MACROD2: variants seen among roughly 807,000 people sequenced by gnomAD.
MACROD2 encodes ADP-ribose glycohydrolase MACROD2.
In MACROD2, 36 loss-of-function variants were observed where a neutral mutation model predicts 70.4. The ratio of observed to expected loss-of-function variants is 0.51; its 90% confidence interval spans 0.39 to 0.68. The LOEUF is 0.68. Among genes scored for constraint, MACROD2 ranks in the 30% least tolerant of loss-of-function variants. The pLI is 0.00. For synonymous variants in MACROD2, 172 were observed against 178.8 expected, an observed-to-expected ratio of 0.96 and a Z score of 0.30; for missense variants, 496 against 538.4, an observed-to-expected ratio of 0.92 and a Z score of 0.78.
intron 4 of MACROD2, among the ~76,000 whole-genome samples, chr20:14,614,495 T>C (rs1447688279): frequency 1.3e-5 from 2 of 152,096 alleles, no homozygotes; most frequent in Non-Finnish European, 2.9e-5. Context: ...GCAGCCAGCG[T>C]TGGGAACGAT....
intron 3 of MACROD2, among the ~76,000 whole-genome samples, chr20:14,392,200 ATTG>A (rs2083534083): frequency 1.3e-5 from 2 of 152,200 alleles, no homozygotes; most frequent in South Asian, 2.1e-4. Context: ...TATTTCAAGA[ATTG>A]TTATGTATTT....
intron 9 of MACROD2, among the ~76,000 whole-genome samples, chr20:15,867,175 G>A (rs1044178510): frequency 2.0e-5 from 3 of 152,114 alleles, no homozygotes; most frequent in Non-Finnish European, 4.4e-5. Flanking sequence ...AGTCAAATGG[G>A]ATTTGGACCC....
chr20:14,824,243 A>C lies in MACROD2; in HGVS notation c.418+139284A>C, dbSNP rs1043105681. On this transcript the variant is annotated intron_variant, in intron 5 of 17. Coordinates refer to ENST00000684519, the MANE Select transcript of MACROD2 (RefSeq NM_001351661.2). ...CAAAGTTCTCAGAAAATACTTGGCT[A>C]GTCATGGTATTGCATACTGTAGCTT... is the stretch of plus-strand genomic sequence containing the variant. 5.3e-5 allele frequency among the ~76,000 whole-genome samples: 8 copies of C among 152,136 alleles called. 1 individual carries two copies. Among genetic ancestry groups the C allele is most frequent in the Non-Finnish European group, 8.8e-5 (6 of 68,020 alleles).
At chr20:14,422,053 T>G (rs994521955) in intron 3 of MACROD2, among the ~76,000 whole-genome samples, 1 of 152,210 alleles carries the variant, frequency 6.6e-6, no homozygotes, top group Non-Finnish European at 1.5e-5. Flanking sequence ...CCTTCAATTC[T>G]AGGAATGTTT....
At chr20:15,219,955 T>TA (rs2076843527) in intron 5 of MACROD2, among the ~76,000 whole-genome samples, 9 of 108,726 alleles carry the variant, frequency 8.3e-5, no homozygotes, top group African/African-American at 1.9e-4. Context: ...AATCATCTCC[T>TA]GAAAAAAAAA....
intron 4 of MACROD2, among the ~76,000 whole-genome samples, chr20:14,597,104 A>G (rs559420554): frequency 6.6e-6 from 1 of 152,274 alleles, no homozygotes; most frequent in East Asian, 1.9e-4. Context: ...TAAAAGATAT[A>G]TTTTATTGAT....
At chr20:15,585,772 T>A (rs1382335375) in intron 8 of MACROD2, among the ~76,000 whole-genome samples, 1 of 152,156 alleles carries the variant, frequency 6.6e-6, no homozygotes. Flanking sequence ...GCCTCATTTT[T>A]TTTTTTTAAT....
intron 5 of MACROD2, among the ~76,000 whole-genome samples, chr20:14,734,503 A>G (rs1239656942): frequency 7.0e-6 from 1 of 142,758 alleles, no homozygotes; most frequent in Non-Finnish European, 1.5e-5. Context: ...TCCATATCAA[A>G]AAAAACAAAA....
intron 4 of MACROD2, among the ~76,000 whole-genome samples, chr20:14,638,220 AT>A (rs1301682299): frequency 6.6e-6 from 1 of 152,158 alleles, no homozygotes; most frequent in African/African-American, 2.4e-5. Flanking sequence ...TACAGTAATC[AT>A]TTTTATGGTA....
At chr20:15,044,169 G>A (rs1417473354) in intron 5 of MACROD2, among the ~76,000 whole-genome samples, 2 of 152,122 alleles carry the variant, frequency 1.3e-5, no homozygotes, top group African/African-American at 4.8e-5. Flanking sequence ...GGATCCTCTG[G>A]CAACCAGACC....
intron 2 of MACROD2, among the ~76,000 whole-genome samples, chr20:14,062,414 A>G (rs775584573): frequency 1.3e-5 from 2 of 152,166 alleles, no homozygotes; most frequent in African/African-American, 4.8e-5. Context: ...GTTGAATGAC[A>G]CAGTCATTCA....
In MACROD2 at chr20:14,749,245, C is replaced by A. The variant is rs6042900; in HGVS notation, c.418+64286C>A. Among the ~76,000 whole-genome samples, 921 of 152,112 alleles carry A rather than the reference C, an allele frequency of 6.1e-3. 13 individuals carry two copies. The highest frequency in any genetic ancestry group is 0.021 in the African/African-American group (878 of 41,448). On this transcript the variant is annotated intron_variant, in intron 5 of 17. Coordinates refer to ENST00000684519, the MANE Select transcript of MACROD2 (RefSeq NM_001351661.2). ...TACGTCATATGCTATGTAATGAAAA[C>A]GTGCCTAGCCTCCTACTCCCTTGTA...
At chr20:14,353,222 A>C (rs2083141220) in intron 3 of MACROD2, among the ~76,000 whole-genome samples, 1 of 152,144 alleles carries the variant, frequency 6.6e-6, no homozygotes, top group Admixed American at 6.6e-5. Context: ...TTGGTCTCAT[A>C]ATAGTAGCAG....
At chr20:14,249,015 A>G (rs768282977) in intron 3 of MACROD2, among the ~76,000 whole-genome samples, 32 of 152,222 alleles carry the variant, frequency 2.1e-4, no homozygotes, top group Non-Finnish European at 4.3e-4. Flanking sequence ...CTCTGATTTA[A>G]TAGCCAATAG....
At chr20:14,158,396 T>C (rs1288015716) in intron 3 of MACROD2, among the ~76,000 whole-genome samples, 1 of 152,198 alleles carries the variant, frequency 6.6e-6, no homozygotes, top group Non-Finnish European at 1.5e-5. Context: ...CTTTTTACTC[T>C]TGTTTTTCTT....
At chr20:14,285,799 T>C (rs994741635) in intron 3 of MACROD2, among the ~76,000 whole-genome samples, 1 of 152,072 alleles carries the variant, frequency 6.6e-6, no homozygotes, top group African/African-American at 2.4e-5. Context: ...TATTTTCTCA[T>C]TCAGTCCCTC....
intron 3 of MACROD2, among the ~76,000 whole-genome samples, chr20:14,403,085 T>A (rs1284022457): frequency 6.6e-6 from 1 of 152,202 alleles, no homozygotes; most frequent in African/African-American, 2.4e-5. Flanking sequence ...ATGTTTGATA[T>A]TGGGATATTA....
At chr20:15,959,988 G>A (rs764823296) in intron 12 of MACROD2, among the ~76,000 whole-genome samples, 8 of 152,200 alleles carry the variant, frequency 5.3e-5, no homozygotes, top group Non-Finnish European at 8.8e-5. Flanking sequence ...TTGCTTGGTT[G>A]GCAGGAAAGT....
At chr20:15,085,278 G>C (rs978923258) in intron 5 of MACROD2, among the ~76,000 whole-genome samples, 1 of 152,048 alleles carries the variant, frequency 6.6e-6, no homozygotes, top group African/African-American at 2.4e-5. Context: ...AGCCAAAACT[G>C]TAAAACTGGA....
Sources: gnomAD v4.1 joint callset for allele counts (sites outside exome capture counted in the v4.1 genomes callset) on GRCh38, gnomAD v4.1.1 for gene constraint, MANE v1.5 for transcripts, NCBI Gene and HGNC (gene_info 2026-07-23, HGNC 2026-07-21) for gene names.